The following ASIC5 variants were observed in gnomAD, a reference collection of about 807,000 sequenced individuals.
The protein encoded by ASIC5 is acid sensing ion channel subunit family member 5.
Under a neutral mutation model 51.2 loss-of-function variants are expected in ASIC5, and 52 were observed. That is an observed-to-expected ratio of 1.02 (90% CI 0.81 to 1.28). The LOEUF is 1.28. Ranked by LOEUF, ASIC5 falls within the 50% of genes most tolerant of loss-of-function variation. ASIC5 has a pLI of 0.00. For synonymous variants in ASIC5, 231 were observed against 200.7 expected (o/e 1.15, Z -1.28); for missense variants, 635 against 595.0 (o/e 1.07, Z -0.70).
intron 3 of ASIC5, among the ~76,000 whole-genome samples, chr4:155,853,568 AC>A: frequency 4.4e-4 from 1 of 2,282 alleles, no homozygotes. Context: ...TATAATATAT[AC>A]TAGTTATTAT....
intron 6 of ASIC5, among the ~76,000 whole-genome samples, chr4:155,841,459 C>T (rs1379884860): frequency 6.6e-6 from 1 of 152,116 alleles, no homozygotes; most frequent in Admixed American, 6.5e-5. Context: ...TGTTCAAGAT[C>T]ACCTAGGGGA....
intron 8 of ASIC5, among the ~76,000 whole-genome samples, chr4:155,835,951 T>C (rs1483010230): frequency 4.6e-5 from 7 of 152,228 alleles, no homozygotes; most frequent in Non-Finnish European, 1.0e-4. Context: ...ATTTTTATTT[T>C]AATAGATATA....
chr4:155,863,795 A>G (rs929171395), intron 1 of ASIC5, 41 bp from the exon 2 acceptor site: 2 of 1,516,142 alleles, frequency 1.3e-6, no homozygotes, highest in Admixed American at 2.0e-5. Flanking sequence ...AAAAAAAAGT[A>G]ATTAGGAAAC....
chr4:155,835,874 C>A (rs1391361654), intron 8 of ASIC5, among the ~76,000 whole-genome samples: 1 of 152,110 alleles, frequency 6.6e-6, no homozygotes, highest in African/African-American at 2.4e-5. Context: ...ACATTGGAAT[C>A]TAAGCATGCT....
intron 2 of ASIC5, among the ~76,000 whole-genome samples, chr4:155,860,024 A>G (rs1298280431): frequency 6.6e-6 from 1 of 152,054 alleles, no homozygotes; most frequent in Non-Finnish European, 1.5e-5. Context: ...CTGAATTGAC[A>G]AAGTCTTAAG....
rs530568513 is a variant in ASIC5, at chr4:155,834,901, G to A, written c.1235+1788C>T. Among the ~76,000 whole-genome samples the A allele has an allele frequency of 1.5e-4, 23 of 152,158 alleles. No homozygotes were observed. In the East Asian group the frequency reaches 2.3e-3, roughly 15 times the overall value. ...CACATCTGAACACCAAGGGGAGCTC[G>A]GCCGGGGGTGTTCAGAGAAGAATCT... is the stretch of plus-strand genomic sequence containing the variant. On this transcript the variant is annotated intron_variant, in intron 8 of 9. Coordinates refer to ENST00000537611, the MANE Select transcript of ASIC5 (RefSeq NM_017419.3).
intron 8 of ASIC5, among the ~76,000 whole-genome samples, chr4:155,836,394 C>G (rs1283181782): frequency 6.6e-6 from 1 of 152,168 alleles, no homozygotes; most frequent in Non-Finnish European, 1.5e-5. Flanking sequence ...TATTTTAAGG[C>G]ATCCATTATT....
At chr4:155,845,938 A>G (rs1267171645) in intron 4 of ASIC5, among the ~76,000 whole-genome samples, 1 of 152,060 alleles carries the variant, frequency 6.6e-6, no homozygotes, top group East Asian at 1.9e-4. Flanking sequence ...GAAAAAAATA[A>G]TAAAAGGGTC....
intron 2 of ASIC5, among the ~76,000 whole-genome samples, chr4:155,859,416 T>C (rs1741636960): frequency 6.6e-6 from 1 of 151,950 alleles, no homozygotes; most frequent in Admixed American, 6.6e-5. Flanking sequence ...TAAAAAGGGA[T>C]CTCTGACATA....
chr4:155,830,562 T>A (rs76177554), intron 9 of ASIC5, among the ~76,000 whole-genome samples: 8,775 of 152,276 alleles, frequency 0.058, 864 homozygotes, highest in African/African-American at 0.2. Context: ...TTATATTTAC[T>A]GTTTGTGCTT....
intron 3 of ASIC5, 49 bp downstream of exon 3, chr4:155,854,028 T>C: frequency 7.3e-7 from 1 of 1,379,264 alleles, no homozygotes; most frequent in Non-Finnish European, 1.0e-6. Flanking sequence ...AACAGTGCAG[T>C]AACGGAACTT....
intron 2 of ASIC5, among the ~76,000 whole-genome samples, chr4:155,862,127 A>T (rs1224620293): frequency 6.6e-6 from 1 of 152,122 alleles, no homozygotes; most frequent in Non-Finnish European, 1.5e-5. Flanking sequence ...TCAGTCAAGG[A>T]TAACTGCAAC....
At chr4:155,840,035 A>T (rs1296426693) in intron 6 of ASIC5, among the ~76,000 whole-genome samples, 1 of 152,170 alleles carries the variant, frequency 6.6e-6, no homozygotes, top group Non-Finnish European at 1.5e-5. Context: ...GATGTGTGAG[A>T]ATCTAACCAA....
At position 155,836,085 on chromosome 4, in the gene ASIC5, G is replaced by T. The variant is rs369425765; in HGVS notation, c.1235+604C>A. On this transcript the variant is annotated intron_variant, in intron 8 of 9. Transcript: ENST00000537611. ...TAAAAAACGAAGAGTTATTTATGAA[G>T]CTTGATTTGTAATTTTTAAGAGGCT... 3.3e-5 allele frequency among the ~76,000 whole-genome samples: 5 copies of T among 152,274 alleles called. No individual in the cohort carries two copies. In the South Asian group the frequency reaches 8.3e-4, roughly 25 times the overall value.
Position 155,836,702 on chromosome 4 carries a change from G to A in ASIC5, c.1222C>T (p.Arg408Trp), listed in dbSNP as rs143910392. The stretch of plus-strand genomic sequence containing the variant: ...TAGTAAGGTTACCTGATGTATTTCC[G>A]GCTTTGATTCAACTTCTTGGAAAGA... ...KYLSKKLNQSRKYIRENLVKI... is the reference protein window; with the variant it reads ...KYLSKKLNQSWKYIRENLVKI... Residue 408 changes from arginine to tryptophan, a missense_variant, in exon 8 of 10, where the codon CGG becomes TGG. Transcript: ENST00000537611. 23 of 1,605,948 alleles carry A rather than the reference G, an allele frequency of 1.4e-5. No homozygotes were observed. Among genetic ancestry groups the A allele is most frequent in the South Asian group, 3.3e-5 (3 of 90,004 alleles).
At chr4:155,844,217 G>T (rs1195753918) in intron 4 of ASIC5, among the ~76,000 whole-genome samples, 1 of 151,914 alleles carries the variant, frequency 6.6e-6, no homozygotes, top group Non-Finnish European at 1.5e-5. Flanking sequence ...CCAATAGGAC[G>T]ATTGCTGAAC....
At chr4:155,865,261 G>T (rs190571872) in intron 1 of ASIC5, among the ~76,000 whole-genome samples, 1 of 152,080 alleles carries the variant, frequency 6.6e-6, no homozygotes, top group Non-Finnish European at 1.5e-5. Flanking sequence ...TATTAATGTT[G>T]TTTTTAGTAT....
At chr4:155,844,533 A>G (rs1283913584) in intron 4 of ASIC5, among the ~76,000 whole-genome samples, 2 of 152,076 alleles carry the variant, frequency 1.3e-5, no homozygotes, top group African/African-American at 4.8e-5. Flanking sequence ...GCTTACACTT[A>G]GAGCGCTCAG....
intron 9 of ASIC5, 89 bp downstream of exon 9, chr4:155,831,726 ATGGCGCCAC>A: frequency 1.4e-6 from 1 of 700,472 alleles, no homozygotes; most frequent in Non-Finnish European, 2.4e-6. Context: ...GTAAGCCAAG[ATGGCGCCAC>A]TGCACTCCAG....
Sources: allele counts gnomAD v4.1 joint callset (sites outside exome capture counted in the v4.1 genomes callset), GRCh38; gene constraint gnomAD v4.1.1; transcripts MANE v1.5; gene names NCBI Gene and HGNC (gene_info 2026-07-23, HGNC 2026-07-21).